SAP30BP: variants seen among roughly 807,000 people sequenced by gnomAD.
SAP30BP encodes SAP30 binding protein.
In SAP30BP, 31 loss-of-function variants were observed where a neutral mutation model predicts 46.3. The observed-to-expected ratio is 0.67, with a 90% CI of 0.50 to 0.90. The LOEUF (loss-of-function observed/expected upper bound fraction) is 0.90, where lower values mean the gene tolerates loss of function less well. Among genes scored for constraint, SAP30BP ranks in the 40% least tolerant of loss-of-function variants. The pLI, the probability that SAP30BP is intolerant of heterozygous loss-of-function variation, is 0.00. For synonymous variants in SAP30BP, 169 were observed against 144.2 expected, an observed-to-expected ratio of 1.17 and a Z score of -1.23; for missense variants, 312 against 391.0, an observed-to-expected ratio of 0.80 and a Z score of 1.70.
chr17:75,706,093 GT>G lies in SAP30BP; in HGVS notation c.745+2del. On this transcript the variant is annotated splice_donor_variant, in intron 10 of 10. Transcript: ENST00000584667. LOFTEE classifies it high-confidence loss of function. This position sits in a 1 kb window ranked among gnomAD's most constrained non-coding sequence, Gnocchi z 4.6. ...ACCACTGCCAGCACAGCTGTTGCAG[GT>G]AGATTGCAGAGCTGCCCTGCCTCCT... 1 of 1,610,778 alleles carries G rather than the reference GT, an allele frequency of 6.2e-7. No individual in the cohort carries two copies. The highest frequency in any genetic ancestry group is 8.5e-7 in the Non-Finnish European group (1 of 1,178,666).
chr17:75,680,809 A>G (rs1406754359), intron 3 of SAP30BP, among the ~76,000 whole-genome samples: 1 of 152,202 alleles, frequency 6.6e-6, no homozygotes, highest in African/African-American at 2.4e-5. Flanking sequence ...CCGAGGCAGG[A>G]GAATTGCTTG....
rs2059840302 is a variant in SAP30BP at position 75,668,364 on chromosome 17, G to T, written c.107-152G>T. ...TGGCCTTCTCAGAGAGCCGAATCTG[G>T]GCCTATTGTAACTTAACATGAGATT... is the stretch of plus-strand genomic sequence containing the variant. On this transcript the variant is annotated intron_variant, in intron 1 of 10. Transcript: ENST00000584667. The T allele has an allele frequency of 1.8e-5, 10 of 546,208 alleles. No homozygotes were observed. In the South Asian group the frequency reaches 2.7e-4, roughly 15 times the overall value. 33.8% of individuals were successfully genotyped at this position (546,208 alleles called of 1,614,324 possible).
chr17:75,691,289 A>G (rs1389777644), intron 3 of SAP30BP: 10 of 380,950 alleles, frequency 2.6e-5, no homozygotes, highest in Non-Finnish European at 5.1e-5. Context: ...TTAGGCGTAG[A>G]AGGAATAATT....
intron 2 of SAP30BP, among the ~76,000 whole-genome samples, chr17:75,669,433 C>T (rs779151285): frequency 6.6e-6 from 1 of 152,156 alleles, no homozygotes; most frequent in Non-Finnish European, 1.5e-5. Flanking sequence ...TTCACAGAGA[C>T]GGTTTCACCA....
intron 2 of SAP30BP, among the ~76,000 whole-genome samples, chr17:75,671,058 G>C (rs2059900465): frequency 6.6e-6 from 1 of 152,198 alleles, no homozygotes; most frequent in South Asian, 2.1e-4. Context: ...TCAGTGGAAT[G>C]GCGGGCTCGC....
chr17:75,692,387 C>G, intron 3 of SAP30BP: 1 of 985,442 alleles, frequency 1.0e-6, no homozygotes, highest in Non-Finnish European at 1.2e-6. Context: ...CACTCATCAG[C>G]AGGAAAAGAC....
At chr17:75,705,841 G>T in intron 9 of SAP30BP, 167 bp from the exon 10 acceptor site, 1 of 1,127,262 alleles carries the variant, frequency 8.9e-7, no homozygotes, top group Non-Finnish European at 1.2e-6. Context: ...AGCCCCTTTG[G>T]GTTCTTCTTA....
intron 9 of SAP30BP, chr17:75,705,043 T>C: frequency 3.8e-6 from 2 of 521,622 alleles, no homozygotes; most frequent in Middle Eastern, 5.3e-4. Context: ...TGTGCCCCCC[T>C]TTCCTCCCCG....
At chr17:75,695,580 T>G (rs2060305535) in intron 4 of SAP30BP, among the ~76,000 whole-genome samples, 1 of 152,084 alleles carries the variant, frequency 6.6e-6, no homozygotes, top group African/African-American at 2.4e-5. Flanking sequence ...CATTGACGAG[T>G]AGCTAGTTTA....
intron 3 of SAP30BP, chr17:75,690,907 G>A (rs1007885826): frequency 2.7e-5 from 10 of 370,134 alleles, no homozygotes; most frequent in African/African-American, 1.3e-4. Flanking sequence ...GTGCAGCAGC[G>A]CTGGCCTCCT....
intron 1 of SAP30BP, 55 bp from the exon 2 acceptor site, chr17:75,668,461 C>A (rs1367802536): frequency 3.0e-5 from 35 of 1,151,152 alleles, no homozygotes; most frequent in Admixed American, 1.3e-4. Flanking sequence ...TACATTGTAA[C>A]TCTTGTTTTT....
chr17:75,683,363 A>G (rs1246957197), intron 3 of SAP30BP, among the ~76,000 whole-genome samples: 1 of 151,952 alleles, frequency 6.6e-6, no homozygotes, highest in Non-Finnish European at 1.5e-5. Flanking sequence ...AATAATAATA[A>G]TAATAATTTT....
At chr17:75,668,492 T>G in intron 1 of SAP30BP, 24 bp from the exon 2 acceptor site, 4 of 1,367,760 alleles carry the variant, frequency 2.9e-6, no homozygotes, top group Non-Finnish European at 4.0e-6. Context: ...TTTTTGTTTG[T>G]TTGTTTGTTT....
intron 6 of SAP30BP, chr17:75,703,080 A>T: frequency 1.8e-6 from 1 of 568,456 alleles, no homozygotes; most frequent in South Asian, 2.1e-5. Flanking sequence ...TGCAGACTGA[A>T]GGTCAGTGAG....
At chr17:75,680,467 A>C (rs2060059559) in intron 3 of SAP30BP, among the ~76,000 whole-genome samples, 1 of 152,184 alleles carries the variant, frequency 6.6e-6, no homozygotes. Context: ...CTGGCTGTGG[A>C]ACCACAGGCC....
Position 75,706,040 on chromosome 17 carries a change from C to T in SAP30BP, c.693C>T (p.Thr231=). ...IEFVTGTKKG[T]TTNATSTTTT... is the part of the protein sequence containing the mutation. ...TTGTGACGGGCACCAAAAAAGGCAC[C>T]ACGACCAACGCCACGTCCACCACCA... is the stretch of plus-strand genomic sequence containing the variant. The change falls in exon 10 of 11, where the codon ACC becomes ACT. Residue 231 remains threonine (T), a synonymous_variant. Coordinates refer to ENST00000584667, the MANE Select transcript of SAP30BP (RefSeq NM_013260.8). The surrounding 1 kb of genome is among the most constrained non-coding windows in gnomAD (Gnocchi z 4.6). 1 of 1,613,816 alleles carries T rather than the reference C, an allele frequency of 6.2e-7. No homozygotes were observed. The highest frequency in any genetic ancestry group is 8.5e-7 in the Non-Finnish European group (1 of 1,180,016).
chr17:75,697,572 C>T (rs1431153215), intron 4 of SAP30BP, among the ~76,000 whole-genome samples: 1 of 152,222 alleles, frequency 6.6e-6, no homozygotes, highest in Non-Finnish European at 1.5e-5. Context: ...ATGTATCACC[C>T]AGTCTCTGTC....
chr17:75,703,895 G>T (rs1311877319), intron 8 of SAP30BP, 36 bp downstream of exon 8: 1 of 1,468,586 alleles, frequency 6.8e-7, no homozygotes, highest in East Asian at 2.3e-5. Flanking sequence ...TACCTTGTCC[G>T]CCCACCCGAC....
At chr17:75,692,286 G>A (rs2060253074) in intron 3 of SAP30BP, 1 of 985,474 alleles carries the variant, frequency 1.0e-6, no homozygotes, top group Non-Finnish European at 1.2e-6. Flanking sequence ...GTGGCGTGGT[G>A]TGCCATGTCT....
Sources: allele counts gnomAD v4.1 joint callset (sites outside exome capture counted in the v4.1 genomes callset), GRCh38; gene constraint gnomAD v4.1.1; non-coding constraint Gnocchi (gnomAD v3.1); transcripts MANE v1.5; gene names NCBI Gene and HGNC (gene_info 2026-07-23, HGNC 2026-07-21).